SMG6: variants seen among roughly 807,000 people sequenced by gnomAD.
SMG6 encodes the protein telomerase-binding protein EST1A.
SMG6 carries 66 observed loss-of-function variants against 142.2 expected under a neutral mutation model. The ratio of observed to expected loss-of-function variants is 0.46; its 90% CI spans 0.38 to 0.57. The LOEUF (loss-of-function observed/expected upper bound fraction) is 0.57. Among genes scored for constraint, SMG6 ranks in the 20% least tolerant of loss-of-function variants. The pLI, the probability that SMG6 is intolerant of heterozygous loss-of-function variation, is 0.00. For synonymous variants in SMG6, 779 were observed against 702.4 expected, an observed-to-expected ratio of 1.11 and a Z score of -1.72; for missense variants, 1,793 against 1,832.0, an observed-to-expected ratio of 0.98 and a Z score of 0.39.
intron 10 of SMG6, among the ~76,000 whole-genome samples, chr17:2,200,503 C>T (rs2072485859): frequency 6.7e-6 from 1 of 149,714 alleles, no homozygotes; most frequent in South Asian, 2.1e-4. Context: ...TGCTATCCCT[C>T]CCCTTCCCCC....
chr17:2,118,035 G>T (rs971073092), intron 13 of SMG6, among the ~76,000 whole-genome samples: 4 of 152,106 alleles, frequency 2.6e-5, no homozygotes, highest in African/African-American at 7.2e-5. Context: ...TTGAGTTCAG[G>T]AGTTCAAGAG....
At chr17:2,100,278 C>T (rs2068969925) in intron 13 of SMG6, among the ~76,000 whole-genome samples, 1 of 152,092 alleles carries the variant, frequency 6.6e-6, no homozygotes, top group African/African-American at 2.4e-5. Context: ...CCTCAAATGA[C>T]TCGCCCGCCT....
intron 12 of SMG6, among the ~76,000 whole-genome samples, chr17:2,173,514 T>C (rs936927782): frequency 6.6e-6 from 1 of 152,068 alleles, no homozygotes; most frequent in African/African-American, 2.4e-5. Context: ...ATTCCACACC[T>C]CTCCTTTCTC....
chr17:2,256,760 G>A (rs1567723398), intron 8 of SMG6, among the ~76,000 whole-genome samples: 1 of 147,150 alleles, frequency 6.8e-6, no homozygotes, highest in Non-Finnish European at 1.5e-5. Flanking sequence ...GGGAGACACA[G>A]TGAGACTTAA....
At chr17:2,190,978 A>G (rs904488499) in intron 10 of SMG6, among the ~76,000 whole-genome samples, 1 of 152,284 alleles carries the variant, frequency 6.6e-6, no homozygotes, top group African/African-American at 2.4e-5. Context: ...CATGTTACCT[A>G]GAGCACCTCC....
intron 12 of SMG6, among the ~76,000 whole-genome samples, chr17:2,180,999 C>T (rs1036950141): frequency 5.9e-5 from 9 of 152,288 alleles, no homozygotes; most frequent in South Asian, 2.1e-4. Context: ...CCCTTCAAAA[C>T]GATGAGCAGC....
intron 10 of SMG6, among the ~76,000 whole-genome samples, chr17:2,223,363 G>C (rs2073231119): frequency 6.6e-6 from 1 of 152,200 alleles, no homozygotes; most frequent in African/African-American, 2.4e-5. Context: ...TAAGCTTCAA[G>C]ATATGAGTCT....
rs1329871456 is a variant in SMG6 at position 2,082,137 on chromosome 17, ACT to A, written c.3535-183_3535-182del. 11 of 606,498 alleles carry A rather than the reference ACT, an allele frequency of 1.8e-5. No individual in the cohort carries two copies. The East Asian group carries it at 3.1e-4, about 17-fold the overall frequency. 37.6% of individuals were successfully genotyped at this position (606,498 alleles called of 1,614,324 possible). The stretch of plus-strand genomic sequence containing the variant: ...CAAAGGGAGGTTGACAAAAGCTGTC[ACT>A]CTTCCCCCGGAGCTGCTCTCTTTTA... On this transcript the variant is annotated intron_variant, in intron 14 of 18. Transcript: ENST00000263073.
At chr17:2,219,852 T>G (rs1466781938) in intron 10 of SMG6, among the ~76,000 whole-genome samples, 1 of 151,186 alleles carries the variant, frequency 6.6e-6, no homozygotes, top group African/African-American at 2.4e-5. Context: ...AAAAATAATC[T>G]AGCATCATGT....
intron 13 of SMG6, among the ~76,000 whole-genome samples, chr17:2,153,839 C>T (rs563033448): frequency 6.1e-5 from 6 of 97,678 alleles, no homozygotes; most frequent in Admixed American, 3.7e-4. Flanking sequence ...TAGAGTGTGA[C>T]GGTGACTGGG....
intron 14 of SMG6, 58 bp from the exon 15 acceptor site, chr17:2,082,014 C>T: frequency 6.3e-7 from 1 of 1,590,718 alleles, no homozygotes. Flanking sequence ...GCCCATGGCT[C>T]TTACTGAACC....
At chr17:2,248,909 CAG>C (rs1233290681) in intron 8 of SMG6, among the ~76,000 whole-genome samples, 1 of 150,222 alleles carries the variant, frequency 6.7e-6, no homozygotes, top group Non-Finnish European at 1.5e-5. Flanking sequence ...TTTTTTGAGA[CAG>C]AGTCTTGCTC....
chr17:2,148,890 T>C (rs1189091993), intron 13 of SMG6, among the ~76,000 whole-genome samples: 2 of 149,256 alleles, frequency 1.3e-5, no homozygotes, highest in South Asian at 2.1e-4. Flanking sequence ...AGAAAGTAAA[T>C]AGAATGATGG....
intron 13 of SMG6, chr17:2,087,363 AC>A: frequency 8.3e-7 from 1 of 1,198,828 alleles, no homozygotes; most frequent in Middle Eastern, 3.8e-4. Context: ...TGCGGCACAC[AC>A]CGGTCAACTG....
intron 10 of SMG6, chr17:2,213,964 A>G (rs2072938186): frequency 6.6e-6 from 1 of 152,218 alleles, no homozygotes; most frequent in African/African-American, 2.4e-5. Context: ...CCTAATTACT[A>G]CTTTTACTGA....
chr17:2,178,137 CTG>C (rs897973540), intron 12 of SMG6, among the ~76,000 whole-genome samples: 3 of 152,334 alleles, frequency 2.0e-5, no homozygotes, highest in Admixed American at 2.0e-4. Context: ...CATGCCAACT[CTG>C]TTTGCATTGG....
rs138266477 is a variant in SMG6 at position 2,295,603 on chromosome 17, T to C, written c.2151+1640A>G. ...TTAACATTTGACAGCTCCATTGCAC[T>C]TGACAATTTTACCTACCCCCACCTT... is the stretch of plus-strand genomic sequence containing the variant. On this transcript the variant is annotated intron_variant, in intron 4 of 18. Coordinates refer to ENST00000263073, the MANE Select transcript of SMG6 (RefSeq NM_017575.5). 6.2e-4 allele frequency among the ~76,000 whole-genome samples: 94 copies of C among 152,260 alleles called. 1 individual carries two copies. The highest frequency in any genetic ancestry group is 2.0e-3 in the African/African-American group (85 of 41,550).
chr17:2,226,790 G>A (rs969108554), intron 10 of SMG6, among the ~76,000 whole-genome samples: 2 of 151,670 alleles, frequency 1.3e-5, no homozygotes, highest in Admixed American at 6.6e-5. Context: ...AGCTACTCTC[G>A]GGAGGCTGAG....
intron 13 of SMG6, among the ~76,000 whole-genome samples, chr17:2,111,181 T>C (rs897621004): frequency 6.7e-6 from 1 of 148,340 alleles, no homozygotes; most frequent in Non-Finnish European, 1.5e-5. Flanking sequence ...AATAAAACAA[T>C]GCTCCTGTTC....
Sources: allele counts gnomAD v4.1 joint callset (sites outside exome capture counted in the v4.1 genomes callset), GRCh38; gene constraint gnomAD v4.1.1; transcripts MANE v1.5; gene names NCBI Gene and HGNC (gene_info 2026-07-23, HGNC 2026-07-21).